Variants in MSI1 observed in about 807,000 individuals in gnomAD.
The protein encoded by MSI1 is musashi RNA binding protein 1, also known as RNA-binding protein Musashi homolog 1.
Under a neutral mutation model 54.4 loss-of-function variants are expected in MSI1, and 15 were observed. The observed-to-expected ratio is 0.28, with a 90% CI of 0.18 to 0.42. MSI1 has a LOEUF of 0.42. Ranked by LOEUF, MSI1 falls within the 20% of genes least tolerant of loss-of-function variation. The pLI is 1.00. For missense variants in MSI1, 304 were observed against 506.0 expected (o/e 0.60, Z 3.83); for synonymous variants, 200 against 196.5 (o/e 1.02, Z -0.15).
In MSI1 at chr12:120,342,905, G is replaced by A. The variant is rs546209900; in HGVS notation, c.*222C>T. 6.0e-5 allele frequency: 9 copies of A among 150,614 alleles called. No individual in the cohort carries two copies. Among genetic ancestry groups the A allele is most frequent in the Admixed American group, 2.6e-4 (4 of 15,104 alleles). The allele number at this position is 150,614 out of a possible 1,614,324, so 9.3% of individuals were successfully genotyped here. A position where few individuals can be genotyped will look rare whatever the true frequency, so the allele number is the denominator to read the frequency against. Reference sequence around the variant, plus strand: ...GGCCGGGAGAGGGGCGGGTGGGGATGGGGGCAAGGGCGAAGAGGGGGACGT... The same window carrying A: ...GGCCGGGAGAGGGGCGGGTGGGGATAGGGGCAAGGGCGAAGAGGGGGACGT... On this transcript the variant is annotated 3_prime_UTR_variant, in exon 15 of 15. Transcript: ENST00000257552.
chr12:120,344,570 A>G (rs1004446685), intron 14 of MSI1, among the ~76,000 whole-genome samples: 31 of 152,106 alleles, frequency 2.0e-4, no homozygotes, highest in African/African-American at 7.2e-4. Flanking sequence ...TTAGCCAGGC[A>G]TGGTGGCATG....
intron 4 of MSI1, 137 bp downstream of exon 4, chr12:120,367,871 A>C: frequency 2.5e-6 from 2 of 811,232 alleles, no homozygotes; most frequent in Admixed American, 2.7e-5. Context: ...GTTTCAGAGC[A>C]TGGCAGCCCT....
chr12:120,350,835 T>C (rs1230207616), intron 11 of MSI1, among the ~76,000 whole-genome samples: 1 of 152,210 alleles, frequency 6.6e-6, no homozygotes, highest in Non-Finnish European at 1.5e-5. Flanking sequence ...TAGAATCTGT[T>C]GCCAACATTG....
At chr12:120,347,651 GA>G in intron 11 of MSI1, 137 bp from the exon 12 acceptor site, 1 of 1,018,654 alleles carries the variant, frequency 9.8e-7, no homozygotes, top group Non-Finnish European at 1.5e-6. Flanking sequence ...GGTCAAGGCA[GA>G]AAAGGCTACC....
At position 120,341,346 on chromosome 12, in the gene MSI1, T is replaced by G. The variant is rs1181496248; in HGVS notation, c.*1781A>C. 6.6e-6 allele frequency: 1 copy of G among 152,312 alleles called. No individual in the cohort carries two copies. Among genetic ancestry groups the G allele is most frequent in the Non-Finnish European group, 1.5e-5 (1 of 67,970 alleles). 9.4% of individuals were successfully genotyped at this position (152,312 alleles called of 1,614,324 possible). A position where few individuals can be genotyped will look rare whatever the true frequency, so the allele number is the denominator to read the frequency against. ...AAGCCCAGCAACGTTTTCAAATAAT[T>G]TATTAGGAATTTAAAACTGAAAATA... On this transcript the variant is annotated 3_prime_UTR_variant, in exon 15 of 15. Transcript: ENST00000257552.
At chr12:120,357,381 A>G (rs1274318813) in intron 8 of MSI1, among the ~76,000 whole-genome samples, 2 of 151,978 alleles carry the variant, frequency 1.3e-5, no homozygotes. Context: ...CTCTGCCTCC[A>G]CTCACTCGAA....
At position 120,363,083 on chromosome 12, in the gene MSI1, G is replaced by A. The variant is rs149956156; in HGVS notation, c.362C>T (p.Thr121Met). The A allele has an allele frequency of 5.2e-5, 84 of 1,613,874 alleles. No homozygotes were observed. Among genetic ancestry groups the A allele is most frequent in the African/African-American group, 6.7e-5 (5 of 74,876 alleles). Residue 121 changes from threonine (T) to methionine (M), a missense_variant, in exon 6 of 15, where the codon ACG (threonine) becomes ATG (methionine). Around this residue, in one of 4 missense-constraint regions of MSI1, gnomAD observed 105 missense variants for 230.1 expected, o/e 0.46. Transcript: ENST00000257552. ...IFVGGLSVNT[T>M]VEDVKQYFEQ... is the part of the protein sequence containing the mutation. ...AAAATATTGCTTCACGTCCTCCACCGTGGTGTTCACCGACAGCCCCCCCAC... is the reference window on the plus strand; with the variant it reads ...AAAATATTGCTTCACGTCCTCCACCATGGTGTTCACCGACAGCCCCCCCAC...
rs375603661 is a variant in MSI1, at chr12:120,345,581, G to A, written c.*10C>T. 115 of 1,602,364 alleles carry A rather than the reference G, an allele frequency of 7.2e-5. No homozygotes were observed. Among genetic ancestry groups the A allele is most frequent in the African/African-American group, 3.4e-4 (25 of 74,324 alleles). ...CCCCACATCCTCACCTCCTGCCACCGTCCCCTGCTTCAGTGGTACCCATTG... is the reference window on the plus strand; with the variant it reads ...CCCCACATCCTCACCTCCTGCCACCATCCCCTGCTTCAGTGGTACCCATTG... On this transcript the variant is annotated 3_prime_UTR_variant, in exon 14 of 15. Transcript: ENST00000257552.
chr12:120,368,257 G>C lies in MSI1; in HGVS notation c.117C>G (p.Tyr39Ter). Reference sequence around the variant, plus strand: ...CCTTCACCTCCCCGAACTGGCCGAAGTATTCGCGCAGCCCTTCTGTAACCA... The same window carrying C: ...CCTTCACCTCCCCGAACTGGCCGAACTATTCGCGCAGCCCTTCTGTAACCA... Reference protein sequence around the residue: ...WQTTQEGLREYFGQFGEVKEC... With the variant: ...WQTTQEGLRE The change falls in exon 3 of 15, where the codon TAC (tyrosine) becomes TAG (stop). Residue 39 changes from tyrosine to a stop codon, truncating the protein, a stop_gained. Transcript: ENST00000257552. LOFTEE classifies it high-confidence loss of function. This position sits in a 1 kb window ranked among gnomAD's most constrained non-coding sequence, Gnocchi z 6.6. The C allele has an allele frequency of 6.3e-7, 1 of 1,579,968 alleles. No individual in the cohort carries two copies. Among genetic ancestry groups the C allele is most frequent in the Non-Finnish European group, 8.6e-7 (1 of 1,161,960 alleles).
chr12:120,366,321 C>T (rs1282303046), intron 4 of MSI1, among the ~76,000 whole-genome samples: 7 of 152,200 alleles, frequency 4.6e-5, no homozygotes, highest in Non-Finnish European at 1.5e-5. Context: ...AATCTGTCCA[C>T]AGAGATGGAA....
At chr12:120,347,539 C>A (rs1297931053) in intron 11 of MSI1, 25 bp from the exon 12 acceptor site, 1 of 1,613,806 alleles carries the variant, frequency 6.2e-7, no homozygotes, top group African/African-American at 1.3e-5. Flanking sequence ...ATGGGCACAT[C>A]AGCATGGCGG....
At chr12:120,344,891 C>T (rs182795036) in intron 14 of MSI1, among the ~76,000 whole-genome samples, 2 of 151,902 alleles carry the variant, frequency 1.3e-5, no homozygotes, top group Admixed American at 1.3e-4. Context: ...TAGCACATGC[C>T]TGTAATCCCA....
At chr12:120,340,545 T>C (rs1284515958), downstream of MSI1, among the ~76,000 whole-genome samples, 2 of 152,084 alleles carry the variant, frequency 1.3e-5, no homozygotes, top group Admixed American at 6.5e-5. Flanking sequence ...GAGAGCATCT[T>C]GCTCTGTCCT....
At chr12:120,355,424 G>T (rs1008096862) in intron 9 of MSI1, among the ~76,000 whole-genome samples, 1 of 148,564 alleles carries the variant, frequency 6.7e-6, no homozygotes, top group Non-Finnish European at 1.5e-5. Context: ...AAAAAAGAAA[G>T]AAAAAAATAT....
intron 9 of MSI1, among the ~76,000 whole-genome samples, chr12:120,355,624 A>C (rs1289521117): frequency 6.6e-6 from 1 of 152,226 alleles, no homozygotes; most frequent in African/African-American, 2.4e-5. Flanking sequence ...ACACATACAC[A>C]CACATATATA....
intron 6 of MSI1, 66 bp from the exon 7 acceptor site, chr12:120,359,119 G>A (rs770704120): frequency 1.4e-5 from 22 of 1,543,644 alleles, no homozygotes; most frequent in Admixed American, 2.0e-5. Flanking sequence ...CCAAGGAACA[G>A]GGGCTCTGGC....
chr12:120,365,999 G>A (rs1565894804), intron 4 of MSI1, among the ~76,000 whole-genome samples: 2 of 152,284 alleles, frequency 1.3e-5, no homozygotes, highest in Middle Eastern at 6.8e-3. Flanking sequence ...CCTTGGCTGT[G>A]AACAACCAGA....
At chr12:120,359,380 A>T (rs1875434743) in intron 6 of MSI1, among the ~76,000 whole-genome samples, 1 of 152,200 alleles carries the variant, frequency 6.6e-6, no homozygotes, top group Admixed American at 6.5e-5. Flanking sequence ...GACCTTGACC[A>T]AACTGGGGAG....
chr12:120,346,310 C>T lies in MSI1; in HGVS notation c.872G>A (p.Trp291Ter). 6.4e-7 allele frequency: 1 copy of T among 1,555,876 alleles called. No homozygotes were observed. Among genetic ancestry groups the T allele is most frequent in the Non-Finnish European group, 8.7e-7 (1 of 1,152,466 alleles). Residue 291 changes from tryptophan to a stop codon, truncating the protein, a stop_gained, in exon 13 of 15, where the codon TGG becomes TAG. Coordinates refer to ENST00000257552, the MANE Select transcript of MSI1 (RefSeq NM_002442.4). LOFTEE classifies it high-confidence loss of function. ...AVVRGTGSHP[W>*]TMAPPPGSTP... ...CGAACCTGGAGGGGGAGCCATCGTC[C>T]AGGGGTGAGAGCCTGGCAACCCAGA... is the stretch of plus-strand genomic sequence containing the variant.
Sources: allele counts gnomAD v4.1 joint callset (sites outside exome capture counted in the v4.1 genomes callset), GRCh38; gene constraint gnomAD v4.1.1; regional missense constraint gnomAD v4.1.1; non-coding constraint Gnocchi (gnomAD v3.1); transcripts MANE v1.5; gene names NCBI Gene and HGNC (gene_info 2026-07-23, HGNC 2026-07-21).